The following LYPLAL1 variants were observed in gnomAD, a reference collection of about 807,000 sequenced individuals.
The protein encoded by LYPLAL1 is lysophospholipase like 1.
A neutral mutation model predicts 19.7 loss-of-function variants in LYPLAL1; 23 were observed. That is an observed-to-expected ratio of 1.17 (90% CI 0.84 to 1.65). The LOEUF (loss-of-function observed/expected upper bound fraction) is 1.65. LYPLAL1 is among the 40% of genes most tolerant of loss of function. LYPLAL1 has a pLI of 0.00. For synonymous variants in LYPLAL1, 119 were observed against 96.3 expected (o/e 1.24, Z -1.38); for missense variants, 355 against 279.4 (o/e 1.27, Z -1.93).
the LYPLAL1 span, among the ~76,000 whole-genome samples, chr1:219,429,916 G>C: frequency 6.6e-6 from 1 of 152,082 alleles, no homozygotes; most frequent in Non-Finnish European, 1.5e-5. Flanking sequence ...CTTAGAAATA[G>C]AAAGAACCCC....
At chr1:219,215,208 T>C (rs1235694150), downstream of LYPLAL1, among the ~76,000 whole-genome samples, 1 of 152,154 alleles carries the variant, frequency 6.6e-6, no homozygotes, top group East Asian at 1.9e-4. Flanking sequence ...ATTTTACATT[T>C]GTTTTCGAAA....
chr1:219,417,350 A>C, the LYPLAL1 span, among the ~76,000 whole-genome samples: 1 of 152,222 alleles, frequency 6.6e-6, no homozygotes, highest in African/African-American at 2.4e-5. Flanking sequence ...TAGGAAAAAT[A>C]GAAACTTGAA....
At chr1:219,298,808 A>C in the LYPLAL1 span, among the ~76,000 whole-genome samples, 2 of 152,202 alleles carry the variant, frequency 1.3e-5, no homozygotes, top group Non-Finnish European at 2.9e-5. Flanking sequence ...CCAGAGTGAT[A>C]ATAATCTTTT....
the LYPLAL1 span, among the ~76,000 whole-genome samples, chr1:219,302,295 G>C: frequency 2.0e-5 from 3 of 152,098 alleles, no homozygotes; most frequent in Non-Finnish European, 4.4e-5. Flanking sequence ...TATTTTCCAA[G>C]AGTCACTCTT....
the LYPLAL1 span, among the ~76,000 whole-genome samples, chr1:219,327,282 A>G: frequency 6.6e-6 from 1 of 152,162 alleles, no homozygotes; most frequent in Non-Finnish European, 1.5e-5. Context: ...AGCCACCCCC[A>G]GCTGTTAGAG....
chr1:219,330,539 G>T, the LYPLAL1 span, among the ~76,000 whole-genome samples: 1 of 152,022 alleles, frequency 6.6e-6, no homozygotes, highest in Admixed American at 6.5e-5. Context: ...TTCTTATTTT[G>T]TCTTCCATGT....
chr1:219,209,233 A>G (rs1185031279), intron 3 of LYPLAL1, among the ~76,000 whole-genome samples: 3 of 152,040 alleles, frequency 2.0e-5, no homozygotes, highest in Non-Finnish European at 4.4e-5. Flanking sequence ...TTTATTCATT[A>G]TTTACATAGT....
the LYPLAL1 span, among the ~76,000 whole-genome samples, chr1:219,377,297 G>A: frequency 6.6e-6 from 1 of 152,136 alleles, no homozygotes; most frequent in Admixed American, 6.5e-5. Flanking sequence ...AATTCTTGAA[G>A]CCAGAGACAA....
At chr1:219,392,811 GATA>G in the LYPLAL1 span, among the ~76,000 whole-genome samples, 1 of 151,932 alleles carries the variant, frequency 6.6e-6, no homozygotes, top group Non-Finnish European at 1.5e-5. Context: ...ATTGATCTCT[GATA>G]ATAAACAATA....
chr1:219,394,545 A>G, the LYPLAL1 span, among the ~76,000 whole-genome samples: 1 of 152,198 alleles, frequency 6.6e-6, no homozygotes. Flanking sequence ...CTGTGAATTA[A>G]TTACACTGGG....
the LYPLAL1 span, among the ~76,000 whole-genome samples, chr1:219,299,319 C>T: frequency 1.1e-4 from 17 of 151,454 alleles, no homozygotes; most frequent in Non-Finnish European, 1.8e-4. Flanking sequence ...ACACTGTTAC[C>T]GGTTATTACA....
At chr1:219,342,038 C>T in the LYPLAL1 span, among the ~76,000 whole-genome samples, 11 of 152,052 alleles carry the variant, frequency 7.2e-5, no homozygotes, top group Non-Finnish European at 1.2e-4. Context: ...TTTCAATGCA[C>T]TTTTTTTGTA....
the LYPLAL1 span, among the ~76,000 whole-genome samples, chr1:219,229,285 C>G: frequency 6.7e-5 from 9 of 134,728 alleles, no homozygotes; most frequent in African/African-American, 2.8e-4. Context: ...TAGGTGAGGA[C>G]AAGCATTTTG....
the LYPLAL1 span, among the ~76,000 whole-genome samples, chr1:219,404,329 G>A: frequency 6.6e-6 from 1 of 152,138 alleles, no homozygotes; most frequent in Non-Finnish European, 1.5e-5. Context: ...TATTAGTTAT[G>A]TAATTAAAAT....
the LYPLAL1 span, among the ~76,000 whole-genome samples, chr1:219,269,187 A>C: frequency 6.6e-6 from 1 of 152,180 alleles, no homozygotes; most frequent in Non-Finnish European, 1.5e-5. Context: ...TCTGTGTCCT[A>C]CAAGTGAAGA....
the LYPLAL1 span, among the ~76,000 whole-genome samples, chr1:219,301,763 C>T: frequency 7.5e-6 from 1 of 133,700 alleles, no homozygotes; most frequent in African/African-American, 2.6e-5. Context: ...CTATTTTTAA[C>T]TAACAGTTAT....
the LYPLAL1 span, among the ~76,000 whole-genome samples, chr1:219,283,428 G>A: frequency 6.6e-6 from 1 of 152,176 alleles, no homozygotes; most frequent in Non-Finnish European, 1.5e-5. Flanking sequence ...AAGTACAAAG[G>A]AGAAGCAGAG....
At chr1:219,187,655 T>A (rs1447185876) in intron 2 of LYPLAL1, among the ~76,000 whole-genome samples, 2 of 151,750 alleles carry the variant, frequency 1.3e-5, no homozygotes, top group Non-Finnish European at 3.0e-5. Context: ...TTCACTGTTT[T>A]TCCACACAAA....
chr1:219,207,911 A>G (rs1658698822), intron 3 of LYPLAL1, among the ~76,000 whole-genome samples: 1 of 152,016 alleles, frequency 6.6e-6, no homozygotes, highest in Non-Finnish European at 1.5e-5. Context: ...TGCACACGTA[A>G]TTACTGCCCC....
Sources: allele counts gnomAD v4.1 joint callset (sites outside exome capture counted in the v4.1 genomes callset), GRCh38; gene constraint gnomAD v4.1.1; transcripts MANE v1.5; gene names NCBI Gene and HGNC (gene_info 2026-07-23, HGNC 2026-07-21).